SND1: variants seen among roughly 807,000 people sequenced by gnomAD.
SND1 encodes the protein staphylococcal nuclease domain-containing protein 1.
In SND1, 38 loss-of-function variants were observed where a neutral mutation model predicts 121.7. That is an observed-to-expected ratio of 0.31 (90% CI 0.24 to 0.41). The LOEUF (loss-of-function observed/expected upper bound fraction) is 0.41. Ranked by LOEUF, SND1 falls within the 10% of genes least tolerant of loss-of-function variation. The pLI is 1.00. For synonymous variants in SND1, 401 were observed against 447.4 expected (o/e 0.90, Z 1.31); for missense variants, 868 against 1,184.6 (o/e 0.73, Z 3.92).
intron 15 of SND1, among the ~76,000 whole-genome samples, chr7:127,961,987 A>C (rs938998247): frequency 5.9e-5 from 9 of 152,200 alleles, no homozygotes; most frequent in African/African-American, 2.2e-4. Flanking sequence ...ATCGGATCCT[A>C]TAAGTATCCT....
chr7:128,081,142 GC>G (rs1397333817), intron 17 of SND1, among the ~76,000 whole-genome samples: 3 of 151,940 alleles, frequency 2.0e-5, no homozygotes, highest in Non-Finnish European at 4.4e-5. Flanking sequence ...GATTACAGGC[GC>G]CCACCACCGC....
intron 10 of SND1, among the ~76,000 whole-genome samples, chr7:127,737,600 G>C (rs1332119295): frequency 6.6e-6 from 1 of 152,130 alleles, no homozygotes; most frequent in African/African-American, 2.4e-5. Context: ...GTATGTATAG[G>C]GGGGTTATGG....
intron 16 of SND1, among the ~76,000 whole-genome samples, chr7:128,038,362 T>C (rs1381099524): frequency 1.3e-5 from 2 of 152,260 alleles, no homozygotes; most frequent in East Asian, 3.8e-4. Flanking sequence ...TTCTGCCTCT[T>C]ACATACCGCG....
chr7:127,691,463 G>C (rs1266523855), intron 2 of SND1, among the ~76,000 whole-genome samples: 1 of 151,866 alleles, frequency 6.6e-6, no homozygotes, highest in Non-Finnish European at 1.5e-5. Flanking sequence ...AGAATTGCTT[G>C]AACCCGGGAA....
chr7:128,012,746 A>T (rs1402302579), intron 16 of SND1, among the ~76,000 whole-genome samples: 1 of 152,102 alleles, frequency 6.6e-6, no homozygotes, highest in African/African-American at 2.4e-5. Context: ...TACATACCAC[A>T]TCCTTGCTCA....
chr7:128,086,881 T>G, intron 20 of SND1, 57 bp from the exon 21 acceptor site: 19 of 1,391,094 alleles, frequency 1.4e-5, no homozygotes, highest in East Asian at 2.3e-5. Flanking sequence ...AGCTGTCCTG[T>G]GAGAGAGCAA....
Position 127,990,134 on chromosome 7 carries a change from T to C in SND1, c.1670-813T>C, listed in dbSNP as rs116238931. 2.5e-3 allele frequency among the ~76,000 whole-genome samples: 377 copies of C among 152,316 alleles called. 2 individuals are homozygous for C. Among genetic ancestry groups the C allele is most frequent in the African/African-American group, 8.3e-3 (344 of 41,572 alleles). ...AGATAATATTAATAATAGGATATAG[T>C]AAACGTCTCCATGTGGCAGGCATCG... On this transcript the variant is annotated intron_variant, in intron 15 of 23. Transcript: ENST00000354725.
At chr7:127,769,139 G>A (rs1158491923) in intron 10 of SND1, among the ~76,000 whole-genome samples, 1 of 152,238 alleles carries the variant, frequency 6.6e-6, no homozygotes, top group African/African-American at 2.4e-5. Flanking sequence ...ACTGGGGATA[G>A]TGAGGTCTTG....
intron 16 of SND1, chr7:128,028,701 TTG>T: frequency 6.2e-7 from 1 of 1,613,484 alleles, no homozygotes. Context: ...TTCCTGTACC[TTG>T]TCCTTGGTAT....
intron 16 of SND1, among the ~76,000 whole-genome samples, chr7:128,053,154 C>T (rs192305171): frequency 1.2e-4 from 19 of 152,342 alleles, no homozygotes; most frequent in African/African-American, 3.4e-4. Flanking sequence ...TTGACAAGGA[C>T]AAGTTTTGGC....
At chr7:127,950,685 G>A (rs1801441885) in intron 15 of SND1, among the ~76,000 whole-genome samples, 1 of 152,146 alleles carries the variant, frequency 6.6e-6, no homozygotes, top group African/African-American at 2.4e-5. Flanking sequence ...AAGAGGTGCA[G>A]AGCTCTTAGT....
chr7:127,825,293 T>C (rs1435679153), intron 11 of SND1, among the ~76,000 whole-genome samples: 1 of 152,084 alleles, frequency 6.6e-6, no homozygotes, highest in Non-Finnish European at 1.5e-5. Context: ...GTATTTTTAG[T>C]AGAGATGGGG....
At chr7:128,074,788 C>T (rs1233564437) in intron 17 of SND1, 98 bp downstream of exon 17, 3 of 1,205,110 alleles carry the variant, frequency 2.5e-6, no homozygotes, top group Non-Finnish European at 3.5e-6. Context: ...TCTCTCATCC[C>T]CACAGAGTAG....
At chr7:127,693,888 C>A (rs1376648029) in intron 2 of SND1, among the ~76,000 whole-genome samples, 1 of 152,150 alleles carries the variant, frequency 6.6e-6, no homozygotes, top group Non-Finnish European at 1.5e-5. Context: ...CCAATGGCTT[C>A]AGAGGAGAAT....
chr7:127,787,703 T>A (rs1316132358), intron 10 of SND1, among the ~76,000 whole-genome samples: 1 of 152,228 alleles, frequency 6.6e-6, no homozygotes, highest in Non-Finnish European at 1.5e-5. Context: ...CCAATTTGGA[T>A]TAAAACTTAA....
chr7:128,066,209 G>C (rs1463384668), intron 16 of SND1, among the ~76,000 whole-genome samples: 2 of 152,194 alleles, frequency 1.3e-5, no homozygotes, highest in Admixed American at 6.5e-5. Context: ...CATCCCTGAG[G>C]TAGGGAAAAG....
chr7:127,743,100 C>A (rs992832053), intron 10 of SND1, among the ~76,000 whole-genome samples: 6 of 152,038 alleles, frequency 3.9e-5, no homozygotes, highest in African/African-American at 1.2e-4. Context: ...ACTCTTTTGC[C>A]ATCCCCATTG....
At chr7:127,719,089 C>T (rs927419520) in intron 9 of SND1, among the ~76,000 whole-genome samples, 18 of 152,056 alleles carry the variant, frequency 1.2e-4, no homozygotes, top group Non-Finnish European at 2.6e-4. Flanking sequence ...TTTTCTTTAG[C>T]TTGAAATTAG....
chr7:127,657,085 A>T (rs140871366), intron 1 of SND1, among the ~76,000 whole-genome samples: 2 of 152,372 alleles, frequency 1.3e-5, no homozygotes, highest in East Asian at 3.9e-4. Flanking sequence ...GCAGTGTAAT[A>T]ACTAATGAAA....
Sources: allele counts gnomAD v4.1 joint callset (sites outside exome capture counted in the v4.1 genomes callset), GRCh38; gene constraint gnomAD v4.1.1; transcripts MANE v1.5; gene names NCBI Gene and HGNC (gene_info 2026-07-23, HGNC 2026-07-21).